CNTN4: variants seen among roughly 807,000 people sequenced by gnomAD.
CNTN4 encodes contactin-4.
A neutral mutation model predicts 122.5 loss-of-function variants in CNTN4; 77 were observed. The ratio of observed to expected loss-of-function variants is 0.63; its 90% CI spans 0.52 to 0.76. The LOEUF is 0.76. Ranked by LOEUF, CNTN4 falls within the 30% of genes least tolerant of loss-of-function variation. The pLI, the probability that CNTN4 is intolerant of heterozygous loss-of-function variation, is 0.00. For synonymous variants in CNTN4, 512 were observed against 447.0 expected (o/e 1.15, Z -1.83); for missense variants, 1,256 against 1,259.1 (o/e 1.00, Z 0.04).
chr3:3,040,109 A>T lies in CNTN4; in HGVS notation c.2236A>T (p.Ile746Phe). 6.2e-7 allele frequency: 1 copy of T among 1,614,218 alleles called. No individual in the cohort carries two copies. The highest frequency in any genetic ancestry group is 8.5e-7 in the Non-Finnish European group (1 of 1,180,026). The change falls in exon 20 of 25, where the codon ATC becomes TTC. Residue 746 changes from isoleucine to phenylalanine, a missense_variant. Coordinates refer to ENST00000418658, the MANE Select transcript of CNTN4 (RefSeq NM_175607.3). ...GGCCTTCCGGCCCTACGGTAAAATG[A>T]TCTGGATGCTGACAGTGCTGGCCTC... ...VVAFRPYGKM[I>F]WMLTVLASAD...
chr3:2,509,470 G>A (rs1212167377), intron 3 of CNTN4, among the ~76,000 whole-genome samples: 2 of 152,148 alleles, frequency 1.3e-5, no homozygotes, highest in African/African-American at 2.4e-5. Flanking sequence ...TTTCAAAAAT[G>A]TATAATTGCC....
chr3:2,763,671 A>C (rs2090702699), intron 6 of CNTN4, among the ~76,000 whole-genome samples: 1 of 152,208 alleles, frequency 6.6e-6, no homozygotes, highest in Non-Finnish European at 1.5e-5. Context: ...TGGTATAAGA[A>C]AGGGGTCCAC....
intron 3 of CNTN4, among the ~76,000 whole-genome samples, chr3:2,560,344 G>T (rs1025616898): frequency 2.0e-5 from 3 of 151,940 alleles, no homozygotes; most frequent in African/African-American, 7.3e-5. Context: ...GTTTCACCAT[G>T]TTGCTCAGGC....
At chr3:2,983,869 C>T (rs898005422) in intron 13 of CNTN4, among the ~76,000 whole-genome samples, 15 of 152,102 alleles carry the variant, frequency 9.9e-5, no homozygotes, top group South Asian at 6.2e-4. Context: ...TAAGAATAAG[C>T]GGTCACAGCA....
chr3:2,748,751 G>C (rs1040185319), intron 6 of CNTN4, among the ~76,000 whole-genome samples: 1 of 152,118 alleles, frequency 6.6e-6, no homozygotes, highest in African/African-American at 2.4e-5. Context: ...CGTCTGCATC[G>C]TCTTGAGCCT....
chr3:2,899,593 A>G (rs1241190986), intron 10 of CNTN4, among the ~76,000 whole-genome samples: 2 of 152,234 alleles, frequency 1.3e-5, no homozygotes, highest in South Asian at 2.1e-4. Flanking sequence ...TTTATGGAAC[A>G]TGGAATTAAC....
At position 2,925,738 on chromosome 3, in the gene CNTN4, C is replaced by T. The variant is rs1277513544; in HGVS notation, c.1317C>T (p.Tyr439=). The T allele has an allele frequency of 1.2e-6, 2 of 1,613,634 alleles. No individual in the cohort carries two copies. The highest frequency in any genetic ancestry group is 1.7e-6 in the Non-Finnish European group (2 of 1,179,750). Residue 439 remains tyrosine (Y), a synonymous_variant, in exon 13 of 25, where the codon TAC becomes TAT. Coordinates refer to ENST00000418658, the MANE Select transcript of CNTN4 (RefSeq NM_175607.3). ...CKPKASPKPV[Y]TWKKGRDILK... ...CAAAAGCGTCTCCAAAACCTGTTTA[C>T]ACCTGGAAGAAAGGAAGGGATATAT...
intron 6 of CNTN4, among the ~76,000 whole-genome samples, chr3:2,800,128 G>C (rs2092312931): frequency 6.9e-6 from 1 of 145,822 alleles, no homozygotes; most frequent in African/African-American, 2.5e-5. Context: ...AGGTTCCACA[G>C]GTTGCTTTAT....
intron 2 of CNTN4, among the ~76,000 whole-genome samples, chr3:2,262,024 T>G (rs1402002529): frequency 6.6e-6 from 1 of 151,724 alleles, no homozygotes; most frequent in African/African-American, 2.4e-5. Context: ...GTAAAATGGA[T>G]TTTTTTTTCC....
intron 2 of CNTN4, among the ~76,000 whole-genome samples, chr3:2,108,480 G>A (rs2032650324): frequency 6.6e-6 from 1 of 152,096 alleles, no homozygotes; most frequent in Admixed American, 6.5e-5. Context: ...ATCAAGCCAG[G>A]AGAAATTTGT....
chr3:2,592,695 T>C (rs539062720), intron 4 of CNTN4, among the ~76,000 whole-genome samples: 44 of 152,348 alleles, frequency 2.9e-4, no homozygotes, highest in African/African-American at 9.9e-4. Flanking sequence ...GTAAGTCCAT[T>C]AAACCTCTCT....
intron 2 of CNTN4, among the ~76,000 whole-genome samples, chr3:2,152,911 A>G (rs973764628): frequency 6.6e-6 from 1 of 152,198 alleles, no homozygotes; most frequent in African/African-American, 2.4e-5. Context: ...CTGGACCCCA[A>G]GTGAATGCAA....
chr3:2,125,848 A>C (rs1481968771), intron 2 of CNTN4, among the ~76,000 whole-genome samples: 2 of 150,810 alleles, frequency 1.3e-5, no homozygotes, highest in Admixed American at 6.6e-5. Context: ...GAGCCACAGC[A>C]CCAGGCCTTC....
chr3:2,234,237 G>A (rs1164873764), intron 2 of CNTN4, among the ~76,000 whole-genome samples: 2 of 151,908 alleles, frequency 1.3e-5, no homozygotes, highest in Non-Finnish European at 2.9e-5. Flanking sequence ...AATTAGCTGG[G>A]CATGGTAACG....
intron 2 of CNTN4, among the ~76,000 whole-genome samples, chr3:2,260,344 A>ATT (rs112470485): frequency 1.3e-5 from 2 of 148,668 alleles, no homozygotes; most frequent in African/African-American, 4.9e-5. Flanking sequence ...AGGCATTATC[A>ATT]TTTTTTTTTT....
chr3:2,431,396 T>G (rs2048064839), intron 3 of CNTN4, among the ~76,000 whole-genome samples: 1 of 152,210 alleles, frequency 6.6e-6, no homozygotes, highest in African/African-American at 2.4e-5. Context: ...ATGCAAAGAA[T>G]AAGTTTTGAA....
intron 4 of CNTN4, among the ~76,000 whole-genome samples, chr3:2,583,399 A>G (rs1215174460): frequency 6.6e-6 from 1 of 152,264 alleles, no homozygotes; most frequent in Non-Finnish European, 1.5e-5. Flanking sequence ...GTGCTTTCAG[A>G]TACTGGGAAT....
chr3:2,808,535 A>T (rs2092525094), intron 6 of CNTN4, among the ~76,000 whole-genome samples: 1 of 152,140 alleles, frequency 6.6e-6, no homozygotes, highest in African/African-American at 2.4e-5. Context: ...ACACTAGATG[A>T]AGAAAAGATA....
At chr3:3,039,832 A>C in intron 19 of CNTN4, 2 of 573,588 alleles carry the variant, frequency 3.5e-6, no homozygotes, top group Non-Finnish European at 6.3e-6. Context: ...GCAGATCCTC[A>C]TTACGTTTTC....
Sources: allele counts gnomAD v4.1 joint callset (sites outside exome capture counted in the v4.1 genomes callset), GRCh38; gene constraint gnomAD v4.1.1; transcripts MANE v1.5; gene names NCBI Gene and HGNC (gene_info 2026-07-23, HGNC 2026-07-21).